Variants in PILRA observed in about 807,000 individuals in gnomAD.
The protein encoded by PILRA is paired immunoglobulin-like type 2 receptor alpha.
In PILRA, 37 loss-of-function variants were observed where a neutral mutation model predicts 33.1. The ratio of observed to expected loss-of-function variants is 1.12; its 90% confidence interval spans 0.86 to 1.47. The LOEUF (loss-of-function observed/expected upper bound fraction) is 1.47. Ranked by LOEUF, PILRA falls within the 40% of genes most tolerant of loss-of-function variation. The pLI, the probability that PILRA is intolerant of heterozygous loss-of-function variation, is 0.00. For synonymous variants in PILRA, 146 were observed against 149.9 expected (o/e 0.97, Z 0.19); for missense variants, 312 against 376.2 (o/e 0.83, Z 1.41).
intron 2 of PILRA, among the ~76,000 whole-genome samples, chr7:100,378,771 G>A (rs529699426): frequency 2.6e-5 from 4 of 152,202 alleles, no homozygotes; most frequent in South Asian, 4.1e-4. Flanking sequence ...ATTACTTTAT[G>A]AATCCTTAAT....
chr7:100,390,840 C>T (rs1185972025), intron 3 of PILRA, among the ~76,000 whole-genome samples: 1 of 151,988 alleles, frequency 6.6e-6, no homozygotes, highest in Non-Finnish European at 1.5e-5. Context: ...CCTTGGAAAT[C>T]ACACCCAAGA....
At chr7:100,395,995 G>A (rs1378579940) in intron 3 of PILRA, among the ~76,000 whole-genome samples, 10 of 152,028 alleles carry the variant, frequency 6.6e-5, no homozygotes, top group African/African-American at 9.7e-5. Context: ...GTGGTGGCGG[G>A]CACCTGTAAT....
chr7:100,397,815 G>A lies in PILRA; in HGVS notation c.674-64G>A, dbSNP rs1440733158. 3 of 1,542,406 alleles carry A rather than the reference G, an allele frequency of 1.9e-6. No homozygotes were observed. The African/African-American group carries it at 4.1e-5, about 21-fold the overall frequency. ...GGGCCTCAGCCTAGGGCGCAGCAGAGAAGGTGGGATGGAGACTGCCATCAC... is the reference window on the plus strand; with the variant it reads ...GGGCCTCAGCCTAGGGCGCAGCAGAAAAGGTGGGATGGAGACTGCCATCAC... On this transcript the variant is annotated intron_variant, in intron 3 of 6. Transcript: ENST00000198536.
At chr7:100,387,132 G>C (rs1370592563) in intron 2 of PILRA, among the ~76,000 whole-genome samples, 1 of 152,202 alleles carries the variant, frequency 6.6e-6, no homozygotes, top group African/African-American at 2.4e-5. Flanking sequence ...ACTTGGCGAT[G>C]ACCTTGAGCA....
At chr7:100,394,639 A>C (rs968180133) in intron 3 of PILRA, among the ~76,000 whole-genome samples, 4 of 151,740 alleles carry the variant, frequency 2.6e-5, no homozygotes, top group African/African-American at 9.7e-5. Context: ...GAAAAAAAAT[A>C]GATTAATATA....
chr7:100,379,973 G>C (rs1277692461), intron 2 of PILRA, among the ~76,000 whole-genome samples: 1 of 152,162 alleles, frequency 6.6e-6, no homozygotes, highest in African/African-American at 2.4e-5. Flanking sequence ...AGTAATGCTG[G>C]CCCCGAGTAC....
intron 3 of PILRA, among the ~76,000 whole-genome samples, chr7:100,395,996 C>T (rs183861055): frequency 2.2e-4 from 33 of 152,160 alleles, no homozygotes; most frequent in African/African-American, 7.9e-4. Flanking sequence ...TGGTGGCGGG[C>T]ACCTGTAATC....
intron 3 of PILRA, among the ~76,000 whole-genome samples, chr7:100,393,236 C>T (rs1416535045): frequency 4.6e-5 from 7 of 151,382 alleles, no homozygotes; most frequent in Non-Finnish European, 1.0e-4. Flanking sequence ...GCTGAGATCA[C>T]ACCACTGCAC....
Position 100,374,251 on chromosome 7 carries a change from A to G in PILRA, c.272A>G (p.Lys91Arg). The G allele has an allele frequency of 6.2e-7, 1 of 1,614,154 alleles. No homozygotes were observed. The highest frequency in any genetic ancestry group is 8.5e-7 in the Non-Finnish European group (1 of 1,180,012). Residue 91 changes from lysine (K) to arginine (R), a missense_variant, in exon 2 of 7, where the codon AAG becomes AGG. Physicochemically the swap from Lys to Arg is conservative, Grantham distance 26. Transcript: ENST00000198536. ...AGCACAAGGCCGCCTTCCATTCACA[A>G]GGATTATGTGAACCGGCTCTTTCTG... ...FYSTRPPSIH[K>R]DYVNRLFLNW...
chr7:100,372,872 G>A (rs1197479188), upstream of PILRA, among the ~76,000 whole-genome samples: 1 of 151,848 alleles, frequency 6.6e-6, no homozygotes. Context: ...TCCTGTGTAG[G>A]GCGGGACGTC....
chr7:100,400,067 A>G lies in PILRA; in HGVS notation c.*160A>G, dbSNP rs1365223320. The stretch of plus-strand genomic sequence containing the variant: ...AGATGCCATCTCTAGTTAAAAATAT[A>G]TATTAACAATAAAGTAACAAATTTA... On this transcript the variant is annotated 3_prime_UTR_variant, in exon 7 of 7. Coordinates refer to ENST00000198536, the MANE Select transcript of PILRA (RefSeq NM_013439.3). The G allele has an allele frequency of 1.8e-6, 1 of 552,004 alleles. No individual in the cohort carries two copies. Among genetic ancestry groups the G allele is most frequent in the Non-Finnish European group, 2.9e-6 (1 of 341,860 alleles). The allele number at this position is 552,004 out of a possible 1,614,324, so 34.2% of individuals were successfully genotyped here.
intron 2 of PILRA, among the ~76,000 whole-genome samples, chr7:100,380,790 C>T (rs1485298053): frequency 1.3e-5 from 2 of 152,022 alleles, no homozygotes; most frequent in East Asian, 3.9e-4. Context: ...CACAGCGAAA[C>T]CCTCCCTGTC....
chr7:100,387,468 C>G (rs1791279724), intron 2 of PILRA, among the ~76,000 whole-genome samples: 1 of 152,210 alleles, frequency 6.6e-6, no homozygotes, highest in South Asian at 2.1e-4. Context: ...CTCACCTCAG[C>G]TTCTCAAAGT....
At chr7:100,385,412 A>T (rs1057342752) in intron 2 of PILRA, among the ~76,000 whole-genome samples, 4 of 151,668 alleles carry the variant, frequency 2.6e-5, no homozygotes, top group African/African-American at 4.9e-5. Context: ...CACATAATTT[A>T]AAAAAATACA....
intron 2 of PILRA, among the ~76,000 whole-genome samples, chr7:100,376,829 A>G (rs1330396954): frequency 7.4e-6 from 1 of 134,364 alleles, no homozygotes; most frequent in Admixed American, 8.7e-5. Context: ...GAGTGTGATC[A>G]TGGCTTACTG....
intron 3 of PILRA, among the ~76,000 whole-genome samples, chr7:100,394,690 G>T (rs139905977): frequency 6.6e-6 from 1 of 151,462 alleles, no homozygotes; most frequent in Non-Finnish European, 1.5e-5. Flanking sequence ...AAACCCTTGC[G>T]CATATGGTCA....
At chr7:100,388,261 G>A (rs1487299112) in intron 2 of PILRA, among the ~76,000 whole-genome samples, 1 of 152,106 alleles carries the variant, frequency 6.6e-6, no homozygotes, top group Non-Finnish European at 1.5e-5. Flanking sequence ...AAGACATTAA[G>A]GAGCCTGATT....
upstream of PILRA, among the ~76,000 whole-genome samples, chr7:100,371,520 A>G (rs1465596426): frequency 6.6e-6 from 1 of 152,164 alleles, no homozygotes; most frequent in African/African-American, 2.4e-5. Flanking sequence ...CAGTGAGGAC[A>G]GTAGGATACT....
At chr7:100,375,894 T>G (rs572628970) in intron 2 of PILRA, among the ~76,000 whole-genome samples, 2 of 152,344 alleles carry the variant, frequency 1.3e-5, no homozygotes, top group South Asian at 4.1e-4. Context: ...CACTAATAGA[T>G]CTTCTGTTTT....
Sources: allele counts gnomAD v4.1 joint callset (sites outside exome capture counted in the v4.1 genomes callset), GRCh38; gene constraint gnomAD v4.1.1; transcripts MANE v1.5; gene names NCBI Gene and HGNC (gene_info 2026-07-23, HGNC 2026-07-21).